SMS: variants seen among roughly 807,000 people sequenced by gnomAD.
The protein encoded by SMS is spermine synthase.
In SMS, 3 loss-of-function variants were observed where a neutral mutation model predicts 33.0. The ratio of observed to expected loss-of-function variants is 0.09; its 90% confidence interval spans 0.04 to 0.23. The LOEUF (loss-of-function observed/expected upper bound fraction) is 0.23. Ranked by LOEUF, SMS falls within the 10% of genes least tolerant of loss-of-function variation. The probability of loss-of-function intolerance (pLI) is 1.00; values close to 1 mark genes in which losing one functional copy is unlikely to be tolerated. For synonymous variants in SMS, 103 were observed against 112.2 expected (o/e 0.92, Z 0.52); for missense variants, 117 against 288.6 (o/e 0.41, Z 4.31).
chrX:21,941,670 A>G (rs1921787536), intron 1 of SMS, among the ~76,000 whole-genome samples: 2 of 108,891 alleles, frequency 1.8e-5, no homozygotes. Context: ...GCGGATCACG[A>G]GGTCAGGAGT....
intron 1 of SMS, among the ~76,000 whole-genome samples, chrX:21,955,161 G>A (rs7888000): frequency 0.15 from 17,047 of 111,579 alleles, 997 homozygotes; most frequent in Non-Finnish European, 0.17. Flanking sequence ...ACACAAAAAT[G>A]GTATGACCTG....
chrX:21,973,014 G>A (rs1445969842), intron 4 of SMS, among the ~76,000 whole-genome samples: 1 of 110,630 alleles, frequency 9.0e-6, no homozygotes, highest in African/African-American at 3.3e-5. Context: ...ACCTCCTTCT[G>A]GCAACATGGT....
intron 7 of SMS, 31 bp downstream of exon 7, chrX:21,978,997 G>A: frequency 1.0e-6 from 1 of 976,185 alleles, no homozygotes; most frequent in African/African-American, 1.9e-5. Context: ...GTAGTTTTAA[G>A]TGAACTAATA....
chrX:21,990,159 G>T (rs1925663911), intron 9 of SMS, among the ~76,000 whole-genome samples: 1 of 112,201 alleles, frequency 8.9e-6, no homozygotes, highest in African/African-American at 3.2e-5. Flanking sequence ...CTTAGGCCAG[G>T]CACGGTGGCT....
intron 9 of SMS, among the ~76,000 whole-genome samples, chrX:21,987,779 C>T (rs1486605632): frequency 8.9e-6 from 1 of 112,397 alleles, no homozygotes; most frequent in Non-Finnish European, 1.9e-5. Context: ...GTACAAAAGG[C>T]AGGACAAAAG....
chrX:21,987,171 A>G (rs1925405756), intron 9 of SMS, among the ~76,000 whole-genome samples: 1 of 110,039 alleles, frequency 9.1e-6, no homozygotes, highest in South Asian at 3.9e-4. Context: ...GATTTTTTGT[A>G]TTTTTAGTAG....
intron 1 of SMS, among the ~76,000 whole-genome samples, chrX:21,943,720 T>C (rs1396342705): frequency 1.8e-5 from 2 of 111,224 alleles, no homozygotes; most frequent in Admixed American, 1.9e-4. Flanking sequence ...CCGATTCATA[T>C]TGCATTCTCT....
chrX:21,941,906 A>C (rs1381608699), intron 1 of SMS, among the ~76,000 whole-genome samples: 1 of 92,235 alleles, frequency 1.1e-5, no homozygotes, highest in Non-Finnish European at 2.1e-5. Context: ...AAAAAAAAAA[A>C]AAAAAAAAAA....
chrX:21,963,279 A>G (rs192466628), intron 1 of SMS, among the ~76,000 whole-genome samples: 72 of 111,238 alleles, frequency 6.5e-4, no homozygotes, highest in African/African-American at 1.7e-3. Context: ...GTGAGGATGA[A>G]GGGAGATGAA....
chrX:21,947,297 G>A (rs2147488045), intron 1 of SMS, among the ~76,000 whole-genome samples: 1 of 111,241 alleles, frequency 9.0e-6, no homozygotes, highest in South Asian at 3.8e-4. Context: ...AGCCTTTCGG[G>A]GCTGATGACT....
At chrX:21,963,617 G>A (rs1375115936) in intron 1 of SMS, among the ~76,000 whole-genome samples, 1 of 111,588 alleles carries the variant, frequency 9.0e-6, no homozygotes, top group Non-Finnish European at 1.9e-5. Flanking sequence ...CACTACACTG[G>A]GCTTGGCCAG....
At chrX:21,957,154 T>C (rs1923026351) in intron 1 of SMS, among the ~76,000 whole-genome samples, 1 of 37,218 alleles carries the variant, frequency 2.7e-5, no homozygotes, top group Admixed American at 3.1e-4. Flanking sequence ...AACCAACTAC[T>C]TTTTTTTTTT....
intron 1 of SMS, among the ~76,000 whole-genome samples, chrX:21,944,704 G>A (rs1922089829): frequency 1.8e-5 from 2 of 109,583 alleles, no homozygotes; most frequent in Admixed American, 9.7e-5. Flanking sequence ...AGGGCCAGGC[G>A]TAGTGGCTCA....
chrX:21,979,343 A>G (rs971463187), intron 7 of SMS, among the ~76,000 whole-genome samples: 4 of 109,990 alleles, frequency 3.6e-5, no homozygotes, highest in African/African-American at 1.3e-4. Flanking sequence ...TCCTAATGCT[A>G]TCCTTCCCCT....
intron 1 of SMS, among the ~76,000 whole-genome samples, chrX:21,962,757 G>C (rs1923446050): frequency 9.0e-6 from 1 of 111,589 alleles, no homozygotes; most frequent in African/African-American, 3.3e-5. Flanking sequence ...CCAGGCTAAG[G>C]TGTTCCTCCC....
At chrX:21,941,836 G>T (rs1210108594) in intron 1 of SMS, among the ~76,000 whole-genome samples, 1 of 87,466 alleles carries the variant, frequency 1.1e-5, no homozygotes, top group Non-Finnish European at 2.1e-5. Context: ...AGTGAGCCAA[G>T]ATCGCGCCAT....
At chrX:21,949,520 G>A (rs1922465240) in intron 1 of SMS, among the ~76,000 whole-genome samples, 1 of 112,006 alleles carries the variant, frequency 8.9e-6, no homozygotes, top group South Asian at 3.7e-4. Context: ...TATTTAAAGG[G>A]CTTCCTCCCT....
At position 21,985,035 on chromosome X, in the gene SMS, G is replaced by A. The variant is rs1220169315; in HGVS notation, c.866-109G>A. 12 of 519,856 alleles carry A rather than the reference G, an allele frequency of 2.3e-5. No individual in the cohort carries two copies. In the East Asian group the frequency reaches 4.5e-4, roughly 19 times the overall value. 42.8% of individuals were successfully genotyped at this position (519,856 alleles called of 1,213,427 possible). A position where few individuals can be genotyped will look rare whatever the true frequency, so the allele number is the denominator to read the frequency against. ...TTGAATAGTGGGTCTTACACTCGTG[G>A]CTCTTTTTCTTTTTCCTCTTTTGGT... is the stretch of plus-strand genomic sequence containing the variant. On this transcript the variant is annotated intron_variant, in intron 8 of 10. Transcript: ENST00000404933.
chrX:21,966,089 G>T (rs1923700937), intron 1 of SMS, among the ~76,000 whole-genome samples: 2 of 112,437 alleles, frequency 1.8e-5, no homozygotes, highest in African/African-American at 6.5e-5. Context: ...GACTCTTTAT[G>T]CATAGTGAAA....
Sources: allele counts gnomAD v4.1 joint callset (sites outside exome capture counted in the v4.1 genomes callset), GRCh38; gene constraint gnomAD v4.1.1; transcripts MANE v1.5; gene names NCBI Gene and HGNC (gene_info 2026-07-23, HGNC 2026-07-21).